Variants in ANP32B observed in about 807,000 individuals in gnomAD.
ANP32B encodes the protein acidic nuclear phosphoprotein 32 family member B.
In ANP32B, 6 loss-of-function variants were observed where a neutral mutation model predicts 32.2. That is an observed-to-expected ratio of 0.19 (90% CI 0.10 to 0.37). ANP32B has a LOEUF of 0.37. ANP32B is among the 10% of genes least tolerant of loss of function. ANP32B has a pLI of 1.00. For missense variants in ANP32B, 204 were observed against 289.2 expected (o/e 0.71, Z 2.14); for synonymous variants, 98 against 105.8 (o/e 0.93, Z 0.45).
At chr9:98,012,816 C>T (rs28660049) in intron 6 of ANP32B, among the ~76,000 whole-genome samples, 36,515 of 152,134 alleles carry the variant, frequency 0.24, 4,755 homozygotes, top group Non-Finnish European at 0.3. Context: ...CTGCAAGTTC[C>T]GCCTCCTAGG....
chr9:97,998,630 A>G lies in ANP32B; in HGVS notation c.279A>G (p.Leu93=), dbSNP rs61757702. 11 of 1,612,198 alleles carry G rather than the reference A, an allele frequency of 6.8e-6. No homozygotes were observed. Among genetic ancestry groups the G allele is most frequent in the East Asian group, 6.7e-5 (3 of 44,594 alleles). The change falls in exon 3 of 7, where the codon CTA becomes CTG. Residue 93 remains leucine (L), a synonymous_variant. Transcript: ENST00000339399. ...AAAAACTTCCAAATCTCACACATCT[A>G]AACTTAAGTGGAAATAAACTGAAAG... is the stretch of plus-strand genomic sequence containing the variant. The part of the protein sequence containing the change: ...LAEKLPNLTH[L]NLSGNKLKDI...
intron 6 of ANP32B, among the ~76,000 whole-genome samples, chr9:98,014,296 T>C (rs1388927062): frequency 6.6e-6 from 1 of 151,806 alleles, no homozygotes; most frequent in Non-Finnish European, 1.5e-5. Context: ...TAGTCCCAGC[T>C]ACTCGGGAGG....
intron 6 of ANP32B, among the ~76,000 whole-genome samples, chr9:98,012,684 G>A (rs980162050): frequency 1.3e-5 from 2 of 152,170 alleles, no homozygotes; most frequent in East Asian, 1.9e-4. Context: ...TCATGGCAAG[G>A]GTCCTGTTGG....
In ANP32B at chr9:98,002,235, A is replaced by C. The variant is rs554674668; in HGVS notation, c.328-2729A>C. ...ACCGTCTACTTTGAGCCCAGTTCTT[A>C]TAGTCAATGCAATGATTGTGAATGC... On this transcript the variant is annotated intron_variant, in intron 3 of 6. Coordinates refer to ENST00000339399, the MANE Select transcript of ANP32B (RefSeq NM_006401.3). The C allele has an allele frequency of 5.8e-4, 88 of 152,300 alleles. 1 individual carries two copies. The highest frequency in any genetic ancestry group is 1.3e-3 in the Admixed American group (20 of 15,288). The allele number at this position is 152,300 out of a possible 1,614,324, so 9.4% of individuals were successfully genotyped here.
At chr9:97,985,333 C>G (rs912417891) in intron 1 of ANP32B, among the ~76,000 whole-genome samples, 13 of 152,002 alleles carry the variant, frequency 8.6e-5, no homozygotes, top group Admixed American at 5.2e-4. Flanking sequence ...GCGGGGCGGG[C>G]CGGGCTCCAC....
chr9:98,010,690 C>T (rs191139334), intron 4 of ANP32B, among the ~76,000 whole-genome samples: 53 of 152,134 alleles, frequency 3.5e-4, no homozygotes, highest in Non-Finnish European at 6.9e-4. Context: ...CAAGAACTGC[C>T]GCACTAGAGG....
intron 4 of ANP32B, among the ~76,000 whole-genome samples, chr9:98,007,025 T>C (rs574121830): frequency 6.6e-6 from 1 of 152,090 alleles, no homozygotes; most frequent in South Asian, 2.1e-4. Context: ...GCTTCACCAC[T>C]TGGAGACCAA....
In ANP32B at chr9:98,015,361, C is replaced by A. The variant is rs1479854500; in HGVS notation, c.689-3C>A. ...CCTAAAGTCAATTTTTGTTACTGTA[C>A]AGAGGAGGAAGAAGGTGGGAAAGGT... is the stretch of plus-strand genomic sequence containing the variant. On this transcript the variant is annotated splice_region_variant and splice_polypyrimidine_tract_variant and intron_variant, in intron 6 of 6. Transcript: ENST00000339399. 2.6e-6 allele frequency: 4 copies of A among 1,550,554 alleles called. No homozygotes were observed. In the South Asian group the frequency reaches 4.8e-5, roughly 18 times the overall value.
chr9:98,012,209 TA>T (rs143227571), intron 5 of ANP32B, among the ~76,000 whole-genome samples: 2 of 152,090 alleles, frequency 1.3e-5, no homozygotes, highest in African/African-American at 2.4e-5. Flanking sequence ...TGCTTGCTTC[TA>T]AAAAAAATTT....
chr9:98,013,488 T>C lies in ANP32B; in HGVS notation c.688+1016T>C, dbSNP rs1452556263. ...TAGATGTAGCAGTTTCCCAGTTTTGTCAGTGTTAGTCCTTTCCCCACTACA... is the reference window on the plus strand; with the variant it reads ...TAGATGTAGCAGTTTCCCAGTTTTGCCAGTGTTAGTCCTTTCCCCACTACA... On this transcript the variant is annotated intron_variant, in intron 6 of 6. Transcript: ENST00000339399. Among the ~76,000 whole-genome samples the C allele has an allele frequency of 2.6e-5, 4 of 152,234 alleles. No homozygotes were observed. The East Asian group carries it at 7.7e-4, about 29-fold the overall frequency.
chr9:98,015,324 C>T, intron 6 of ANP32B, 40 bp from the exon 7 acceptor site: 2 of 1,545,716 alleles, frequency 1.3e-6, no homozygotes, highest in Admixed American at 2.0e-5. Context: ...AAGCAAAATG[C>T]CTTTCCACTG....
chr9:97,983,867 CGG>C (rs1237593623), intron 1 of ANP32B, among the ~76,000 whole-genome samples: 1 of 151,994 alleles, frequency 6.6e-6, no homozygotes, highest in Non-Finnish European at 1.5e-5. Flanking sequence ...CTTCGCCCGC[CGG>C]GGTCTTTCCC....
intron 4 of ANP32B, among the ~76,000 whole-genome samples, chr9:98,009,001 T>G (rs1828135487): frequency 6.6e-6 from 1 of 152,210 alleles, no homozygotes; most frequent in Admixed American, 6.5e-5. Context: ...GATACTTATC[T>G]CCTGATTCAC....
At chr9:97,987,238 G>A (rs1827751716) in intron 1 of ANP32B, among the ~76,000 whole-genome samples, 1 of 143,118 alleles carries the variant, frequency 7.0e-6, no homozygotes, top group African/African-American at 2.5e-5. Flanking sequence ...TCTCATAGTG[G>A]AACAAAATGG....
intron 4 of ANP32B, among the ~76,000 whole-genome samples, chr9:98,006,825 C>A (rs1487460093): frequency 6.6e-6 from 1 of 151,952 alleles, no homozygotes; most frequent in Non-Finnish European, 1.5e-5. Flanking sequence ...CCTGGCTCTG[C>A]AAAAATACAA....
intron 4 of ANP32B, 36 bp from the exon 5 acceptor site, chr9:98,011,235 A>G (rs1828178175): frequency 6.5e-7 from 1 of 1,548,674 alleles, no homozygotes; most frequent in Non-Finnish European, 8.7e-7. Context: ...TGGAGCGTCG[A>G]GGATATTTAA....
At position 98,011,418 on chromosome 9, in the gene ANP32B, C is replaced by G. The variant is rs758057326; in HGVS notation, c.636+29C>G. 3.2e-6 allele frequency: 5 copies of G among 1,562,590 alleles called. No homozygotes were observed. The Admixed American group carries it at 7.8e-5, about 25-fold the overall frequency. ...AGTGCAGCTGTTTTCTACCCTGCTT[C>G]CTATTTGTAATTACAACAAAAGTGG... On this transcript the variant is annotated intron_variant, in intron 5 of 6. Coordinates refer to ENST00000339399, the MANE Select transcript of ANP32B (RefSeq NM_006401.3).
chr9:98,014,173 C>T (rs532788377), intron 6 of ANP32B, among the ~76,000 whole-genome samples: 1 of 152,060 alleles, frequency 6.6e-6, no homozygotes, highest in African/African-American at 2.4e-5. Context: ...ATTGGGAGGC[C>T]GAGGCGGGTG....
At chr9:97,993,401 G>T (rs1444418707) in intron 1 of ANP32B, among the ~76,000 whole-genome samples, 1 of 152,166 alleles carries the variant, frequency 6.6e-6, no homozygotes, top group African/African-American at 2.4e-5. Context: ...CAGACTGTCA[G>T]CATCTCCCTA....
Sources: gnomAD v4.1 joint callset for allele counts (sites outside exome capture counted in the v4.1 genomes callset) on GRCh38, gnomAD v4.1.1 for gene constraint, MANE v1.5 for transcripts, NCBI Gene and HGNC (gene_info 2026-07-23, HGNC 2026-07-21) for gene names.